FHIT: variants seen among roughly 807,000 people sequenced by gnomAD.
FHIT encodes fragile histidine triad diadenosine triphosphatase.
In FHIT, 19 loss-of-function variants were observed where a neutral mutation model predicts 17.9. The observed-to-expected ratio is 1.06, with a 90% CI of 0.74 to 1.56. The LOEUF (loss-of-function observed/expected upper bound fraction) is 1.56. Ranked by LOEUF, FHIT falls within the 40% of genes most tolerant of loss-of-function variation. FHIT has a pLI of 0.00. For synonymous variants in FHIT, 81 were observed against 69.7 expected, an observed-to-expected ratio of 1.16 and a Z score of -0.81; for missense variants, 248 against 189.2, an observed-to-expected ratio of 1.31 and a Z score of -1.82.
chr3:60,694,742 G>A (rs541007780), intron 4 of FHIT, among the ~76,000 whole-genome samples: 3 of 152,204 alleles, frequency 2.0e-5, no homozygotes, highest in South Asian at 2.1e-4. Flanking sequence ...CCATAAAAAA[G>A]GATGACTTCA....
At chr3:61,036,365 G>A (rs961862976) in intron 3 of FHIT, among the ~76,000 whole-genome samples, 1 of 151,986 alleles carries the variant, frequency 6.6e-6, no homozygotes, top group Admixed American at 6.6e-5. Context: ...CAACACTGGG[G>A]ATTACCATTC....
chr3:60,055,271 A>C (rs1702035956), intron 5 of FHIT, among the ~76,000 whole-genome samples: 1 of 152,106 alleles, frequency 6.6e-6, no homozygotes, highest in Non-Finnish European at 1.5e-5. Context: ...CAGGGAAGTG[A>C]CATCTAGAGT....
chr3:60,262,720 GCTAA>G (rs1706366572), intron 5 of FHIT, among the ~76,000 whole-genome samples: 1 of 151,776 alleles, frequency 6.6e-6, no homozygotes, highest in African/African-American at 2.4e-5. Context: ...TTCCTGTTCA[GCTAA>G]CTGACTGAAA....
chr3:60,854,186 GT>G (rs1703270993), intron 3 of FHIT, among the ~76,000 whole-genome samples: 1 of 152,068 alleles, frequency 6.6e-6, no homozygotes, highest in Non-Finnish European at 1.5e-5. Context: ...AGCTCAAAGT[GT>G]TCCAACACCA....
chr3:60,795,643 T>C (rs1553730061), intron 4 of FHIT, among the ~76,000 whole-genome samples: 2 of 151,994 alleles, frequency 1.3e-5, no homozygotes, highest in African/African-American at 4.8e-5. Flanking sequence ...GCCTCTTGAG[T>C]AGTTGGGACT....
At chr3:60,539,938 A>C (rs2036128615) in intron 4 of FHIT, among the ~76,000 whole-genome samples, 1 of 150,604 alleles carries the variant, frequency 6.6e-6, no homozygotes, top group South Asian at 2.1e-4. Flanking sequence ...CTTAAAGTAT[A>C]ATAAAAATAT....
intron 5 of FHIT, among the ~76,000 whole-genome samples, chr3:60,192,186 G>T (rs114111306): frequency 2.7e-5 from 4 of 150,938 alleles, no homozygotes; most frequent in South Asian, 2.1e-4. Context: ...GGGAGGCGGA[G>T]GTTGCAGTGA....
intron 5 of FHIT, among the ~76,000 whole-genome samples, chr3:60,339,998 G>A (rs1688051095): frequency 1.3e-5 from 2 of 152,076 alleles, no homozygotes; most frequent in African/African-American, 4.8e-5. Context: ...CCTCTGGTTT[G>A]ATTTTAAATG....
chr3:61,036,032 A>T lies in FHIT; in HGVS notation c.-111+6015T>A, dbSNP rs529420529. On this transcript the variant is annotated intron_variant, in intron 3 of 9. Coordinates refer to ENST00000492590, the MANE Select transcript of FHIT (RefSeq NM_002012.4). ...AGGCCATTCTTACATTGCTATGAAG[A>T]ACTACCTGAGACTGGGTAATTTATA... is the stretch of plus-strand genomic sequence containing the variant. Among the ~76,000 whole-genome samples the T allele has an allele frequency of 3.3e-5, 5 of 152,352 alleles. No individual in the cohort carries two copies. In the East Asian group the frequency reaches 9.6e-4, roughly 29 times the overall value.
chr3:60,106,810 C>A (rs958856705), intron 5 of FHIT, among the ~76,000 whole-genome samples: 2 of 152,152 alleles, frequency 1.3e-5, no homozygotes, highest in African/African-American at 2.4e-5. Flanking sequence ...CTCTGAAGAA[C>A]CTTGAGGATA....
At chr3:59,911,126 T>A (rs1472464958) in intron 8 of FHIT, among the ~76,000 whole-genome samples, 4 of 152,232 alleles carry the variant, frequency 2.6e-5, no homozygotes, top group Admixed American at 2.6e-4. Flanking sequence ...GTGTACAGTG[T>A]TATATCATTA....
chr3:60,654,259 A>G (rs768432598), intron 4 of FHIT, among the ~76,000 whole-genome samples: 16 of 152,188 alleles, frequency 1.1e-4, no homozygotes, highest in Non-Finnish European at 2.1e-4. Context: ...ATTTATAGCA[A>G]TGCAAAAATG....
chr3:60,297,871 T>C (rs1192535539), intron 5 of FHIT, among the ~76,000 whole-genome samples: 4 of 152,068 alleles, frequency 2.6e-5, no homozygotes, highest in Admixed American at 2.6e-4. Context: ...ACAAGACAGC[T>C]CCCACTTTGG....
chr3:60,215,794 CA>C (rs1703670451), intron 5 of FHIT, among the ~76,000 whole-genome samples: 1 of 152,104 alleles, frequency 6.6e-6, no homozygotes, highest in Admixed American at 6.5e-5. Flanking sequence ...CTTCCGTACA[CA>C]AAACATGTAC....
At chr3:60,980,685 T>C (rs944583171) in intron 3 of FHIT, among the ~76,000 whole-genome samples, 5 of 152,142 alleles carry the variant, frequency 3.3e-5, no homozygotes, top group Non-Finnish European at 7.4e-5. Context: ...CTTTTCTTTC[T>C]CTAGGTGAAG....
intron 7 of FHIT, among the ~76,000 whole-genome samples, chr3:59,938,885 T>C (rs377716392): frequency 6.6e-6 from 1 of 152,072 alleles, no homozygotes; most frequent in African/African-American, 2.4e-5. Context: ...TGAGCCCCAG[T>C]TTTATGGGGA....
intron 5 of FHIT, among the ~76,000 whole-genome samples, chr3:60,329,659 C>G (rs572624813): frequency 9.9e-5 from 15 of 152,206 alleles, no homozygotes; most frequent in South Asian, 2.1e-4. Flanking sequence ...CCTATTCCAT[C>G]TGCATTCCTG....
At position 60,325,763 on chromosome 3, in the gene FHIT, C is replaced by T. The variant is rs145538447; in HGVS notation, c.103+211097G>A. ...CTTCAGAATAAAATTCAGTCAGTGT[C>T]CTCTGCCCTGCCAGCAGGGCATTTA... On this transcript the variant is annotated intron_variant, in intron 5 of 9. Transcript: ENST00000492590. 4.7e-3 allele frequency among the ~76,000 whole-genome samples: 721 copies of T among 152,300 alleles called. 1 individual carries two copies. Among genetic ancestry groups the T allele is most frequent in the South Asian group, 0.011 (53 of 4,824 alleles).
chr3:60,107,651 G>C (rs535128974), intron 5 of FHIT, among the ~76,000 whole-genome samples: 4 of 152,114 alleles, frequency 2.6e-5, no homozygotes, highest in Non-Finnish European at 4.4e-5. Context: ...AACTGGACAG[G>C]CTTAAGTTCT....
Sources: gnomAD v4.1 joint callset for allele counts (sites outside exome capture counted in the v4.1 genomes callset) on GRCh38, gnomAD v4.1.1 for gene constraint, MANE v1.5 for transcripts, NCBI Gene and HGNC (gene_info 2026-07-23, HGNC 2026-07-21) for gene names.